Variants in SPOCK3 observed in about 807,000 individuals in gnomAD.
The protein encoded by SPOCK3 is SPARC (osteonectin), cwcv and kazal like domains proteoglycan 3.
A neutral mutation model predicts 56.6 loss-of-function variants in SPOCK3; 30 were observed. The ratio of observed to expected loss-of-function variants is 0.53; its 90% CI spans 0.40 to 0.72. The LOEUF (loss-of-function observed/expected upper bound fraction) is 0.72, where lower values mean the gene tolerates loss of function less well. Among genes scored for constraint, SPOCK3 ranks in the 30% least tolerant of loss-of-function variants. SPOCK3 has a pLI of 0.00. For synonymous variants in SPOCK3, 196 were observed against 183.3 expected, an observed-to-expected ratio of 1.07 and a Z score of -0.56; for missense variants, 527 against 530.0, an observed-to-expected ratio of 0.99 and a Z score of 0.06.
chr4:166,923,012 AC>A (rs1218031756), intron 4 of SPOCK3, among the ~76,000 whole-genome samples: 3 of 152,194 alleles, frequency 2.0e-5, no homozygotes, highest in Non-Finnish European at 4.4e-5. Context: ...TTAATCTCTC[AC>A]CGTTAGGAAT....
chr4:166,797,995 G>A (rs1476023839), intron 6 of SPOCK3, among the ~76,000 whole-genome samples: 3 of 152,058 alleles, frequency 2.0e-5, no homozygotes, highest in African/African-American at 7.2e-5. Flanking sequence ...AGATTACAAT[G>A]GAGCTGAAAC....
chr4:167,137,492 T>A (rs1039442783), intron 2 of SPOCK3, among the ~76,000 whole-genome samples: 2 of 151,996 alleles, frequency 1.3e-5, no homozygotes, highest in Non-Finnish European at 2.9e-5. Flanking sequence ...CCTATTACTT[T>A]TATTGATTAA....
At chr4:166,805,054 A>T (rs942214059) in intron 6 of SPOCK3, among the ~76,000 whole-genome samples, 2 of 152,142 alleles carry the variant, frequency 1.3e-5, no homozygotes, top group Admixed American at 1.3e-4. Flanking sequence ...TCATTACAAC[A>T]GAACAATATT....
At chr4:166,945,139 C>T (rs1008975129) in intron 4 of SPOCK3, among the ~76,000 whole-genome samples, 1 of 152,086 alleles carries the variant, frequency 6.6e-6, no homozygotes, top group Admixed American at 6.6e-5. Flanking sequence ...TAGATTCAAC[C>T]ATTACTGCAA....
intron 3 of SPOCK3, among the ~76,000 whole-genome samples, chr4:167,056,917 A>C (rs1367940635): frequency 6.6e-6 from 1 of 152,150 alleles, no homozygotes; most frequent in African/African-American, 2.4e-5. Context: ...CAACATTCAG[A>C]TTCAGGAAAT....
chr4:166,734,947 C>A lies in SPOCK3; in HGVS notation c.1276G>T (p.Gly426Cys). Residue 426 changes from glycine to cysteine, a missense_variant, in exon 11 of 11, where the codon GGT becomes TGT. Transcript: ENST00000357545. ...CAAATGTATACATCATGGTCATCACCACCATCATCATCATCCCCTTCATCT... is the reference window on the plus strand; with the variant it reads ...CAAATGTATACATCATGGTCATCACAACCATCATCATCATCCCCTTCATCT... Reference protein sequence around the residue: ...DEDEGDDDDGGDDHDVYI With the variant: ...DEDEGDDDDGCDDHDVYI 6.5e-7 allele frequency: 1 copy of A among 1,544,310 alleles called. No homozygotes were observed. Among genetic ancestry groups the A allele is most frequent in the Non-Finnish European group, 8.9e-7 (1 of 1,119,610 alleles).
At chr4:166,943,838 G>A (rs1305056462) in intron 4 of SPOCK3, among the ~76,000 whole-genome samples, 1 of 152,062 alleles carries the variant, frequency 6.6e-6, no homozygotes, top group Non-Finnish European at 1.5e-5. Context: ...ATAAATATAT[G>A]AAATTTTATG....
In SPOCK3 at chr4:166,792,233, C is replaced by T. The variant is rs1391542941; in HGVS notation, c.646G>A (p.Ala216Thr). The T allele has an allele frequency of 1.9e-6, 3 of 1,613,716 alleles. No homozygotes were observed. Among genetic ancestry groups the T allele is most frequent in the African/African-American group, 2.7e-5 (2 of 74,896 alleles). ...VANRLRDWFKALHESGSQNKK... is the reference protein window; with the variant it reads ...VANRLRDWFKTLHESGSQNKK... Reference sequence around the variant, plus strand: ...TTTTGACTTCCACTTTCATGAAGGGCCTTGAACCAGTCCCGCAATCTGTTT... The same window carrying T: ...TTTTGACTTCCACTTTCATGAAGGGTCTTGAACCAGTCCCGCAATCTGTTT... The change falls in exon 7 of 11, where the codon GCC becomes ACC. Residue 216 changes from alanine (A) to threonine (T), a missense_variant. Ala to Thr is a moderately conservative substitution (Grantham distance 58). Coordinates refer to ENST00000357545, the MANE Select transcript of SPOCK3 (RefSeq NM_001040159.2).
intron 2 of SPOCK3, among the ~76,000 whole-genome samples, chr4:167,071,350 C>T (rs776076316): frequency 6.6e-6 from 1 of 151,964 alleles, no homozygotes; most frequent in African/African-American, 2.4e-5. Flanking sequence ...ATCAACTCGT[C>T]GTCTACATTA....
chr4:167,106,547 A>G (rs1760167562), intron 2 of SPOCK3, among the ~76,000 whole-genome samples: 1 of 151,816 alleles, frequency 6.6e-6, no homozygotes, highest in Admixed American at 6.6e-5. Flanking sequence ...AAAAATGTCA[A>G]ATAAATAATG....
At chr4:166,882,630 G>A (rs1278750287) in intron 6 of SPOCK3, among the ~76,000 whole-genome samples, 2 of 152,126 alleles carry the variant, frequency 1.3e-5, no homozygotes, top group African/African-American at 4.8e-5. Context: ...TTTTATATCT[G>A]ATAACATACA....
chr4:167,051,519 T>C (rs149157590), intron 3 of SPOCK3, among the ~76,000 whole-genome samples: 1 of 152,228 alleles, frequency 6.6e-6, no homozygotes, highest in African/African-American at 2.4e-5. Flanking sequence ...CAGACAATCA[T>C]TAGCAGTATA....
rs3082377 is a variant in SPOCK3, at chr4:167,078,308, C to CTGTG, written c.190-15775_190-15772dup. On this transcript the variant is annotated intron_variant, in intron 2 of 10. Coordinates refer to ENST00000357545, the MANE Select transcript of SPOCK3 (RefSeq NM_001040159.2). ...ACCTATGTGTATCCAGGTCATAACT[C>CTGTG]TGTGTGTGTGTGTGTGTGTGTGTGT... Among the ~76,000 whole-genome samples, 742 of 105,064 alleles carry CTGTG rather than the reference C, an allele frequency of 7.1e-3. 7 individuals are homozygous for CTGTG. Among genetic ancestry groups the CTGTG allele is most frequent in the East Asian group, 0.015 (46 of 3,112 alleles). 68.9% of individuals were successfully genotyped at this position (105,064 alleles called of 152,430 possible). A position where few individuals can be genotyped will look rare whatever the true frequency, so the allele number is the denominator to read the frequency against.
intron 2 of SPOCK3, among the ~76,000 whole-genome samples, chr4:167,161,035 T>A (rs868802368): frequency 6.6e-6 from 1 of 151,888 alleles, no homozygotes; most frequent in African/African-American, 2.4e-5. Context: ...AAAGACAAAA[T>A]TGACAAATGG....
intron 2 of SPOCK3, among the ~76,000 whole-genome samples, chr4:167,213,896 C>A (rs1039414643): frequency 6.6e-6 from 1 of 152,114 alleles, no homozygotes; most frequent in Non-Finnish European, 1.5e-5. Context: ...CATTTCATCA[C>A]ACAGATGACT....
intron 7 of SPOCK3, among the ~76,000 whole-genome samples, chr4:166,762,203 G>A (rs1737334747): frequency 6.6e-6 from 1 of 152,060 alleles, no homozygotes; most frequent in Non-Finnish European, 1.5e-5. Flanking sequence ...TTCTGTGCAA[G>A]TGCTCACCTT....
In SPOCK3 at chr4:167,055,639, C is replaced by T. The variant is rs560558188; in HGVS notation, c.235+6853G>A. Among the ~76,000 whole-genome samples the T allele has an allele frequency of 9.8e-5, 15 of 152,304 alleles. 1 individual carries two copies. Among genetic ancestry groups the T allele is most frequent in the Admixed American group, 9.8e-4 (15 of 15,300 alleles). ...CCAACGGGCTTAAAATACGGTGCAC[C>T]AGGAGATTATATCCCGCACCTGGCT... On this transcript the variant is annotated intron_variant, in intron 3 of 10. Coordinates refer to ENST00000357545, the MANE Select transcript of SPOCK3 (RefSeq NM_001040159.2).
intron 6 of SPOCK3, among the ~76,000 whole-genome samples, chr4:166,806,107 G>T (rs1353369736): frequency 6.6e-6 from 1 of 151,954 alleles, no homozygotes; most frequent in Non-Finnish European, 1.5e-5. Flanking sequence ...GTTAAAACAA[G>T]AATATTTTTC....
intron 2 of SPOCK3, among the ~76,000 whole-genome samples, chr4:167,169,762 A>G (rs1730332028): frequency 6.6e-6 from 1 of 152,092 alleles, no homozygotes; most frequent in African/African-American, 2.4e-5. Context: ...CTGTGTCCCC[A>G]CCCAAATCTA....
Sources: allele counts gnomAD v4.1 joint callset (sites outside exome capture counted in the v4.1 genomes callset), GRCh38; gene constraint gnomAD v4.1.1; transcripts MANE v1.5; gene names NCBI Gene and HGNC (gene_info 2026-07-23, HGNC 2026-07-21).